STK32A: variants seen among roughly 807,000 people sequenced by gnomAD.
The protein encoded by STK32A is serine/threonine-protein kinase 32A.
In STK32A, 41 loss-of-function variants were observed where a neutral mutation model predicts 53.2. That is an observed-to-expected ratio of 0.77 (90% confidence interval 0.60 to 1.00). The LOEUF is 1.00. Ranked by LOEUF, STK32A falls within the 50% of genes least tolerant of loss-of-function variation. STK32A has a pLI of 0.00. For missense variants in STK32A, 458 were observed against 485.8 expected (o/e 0.94, Z 0.54); for synonymous variants, 166 against 162.8 (o/e 1.02, Z -0.15).
chr5:147,302,969 T>C (rs534543527), intron 4 of STK32A, among the ~76,000 whole-genome samples: 1 of 152,336 alleles, frequency 6.6e-6, no homozygotes, highest in East Asian at 1.9e-4. Context: ...CTAAGTCTTC[T>C]GGGATGGCAA....
In STK32A at chr5:147,370,673, C is replaced by T; in HGVS notation, c.680C>T (p.Ser227Phe). ...LRGRRPYHIR[S>F]STSSKEIVHT... The stretch of plus-strand genomic sequence containing the variant: ...CTTAAGAGACCGTATCATATTCGCT[C>T]CAGTACTTCCAGCAAGGAAATTGTA... The change falls in exon 9 of 13, where the codon TCC becomes TTC. Residue 227 changes from serine (S) to phenylalanine (F), a missense_variant. Coordinates refer to ENST00000397936, the MANE Select transcript of STK32A (RefSeq NM_001112724.2). The T allele has an allele frequency of 6.2e-7, 1 of 1,611,140 alleles. No homozygotes were observed. The highest frequency in any genetic ancestry group is 8.5e-7 in the Non-Finnish European group (1 of 1,177,644).
intron 2 of STK32A, among the ~76,000 whole-genome samples, chr5:147,254,936 C>T (rs907542632): frequency 6.6e-6 from 1 of 152,002 alleles, no homozygotes; most frequent in African/African-American, 2.4e-5. Context: ...TCAGGAGATG[C>T]AGACCATCCT....
chr5:147,257,313 A>T lies in STK32A; in HGVS notation c.52+17627A>T, dbSNP rs561836342. Among the ~76,000 whole-genome samples, 4 of 152,164 alleles carry T rather than the reference A, an allele frequency of 2.6e-5. No individual in the cohort carries two copies. The East Asian group carries it at 5.8e-4, about 22-fold the overall frequency. ...CTTTATTGAAATTTCCCCGGATTAAATGGTCCCAATTCACTAATGCCCAGT... is the reference window on the plus strand; with the variant it reads ...CTTTATTGAAATTTCCCCGGATTAATTGGTCCCAATTCACTAATGCCCAGT... On this transcript the variant is annotated intron_variant, in intron 2 of 12. Transcript: ENST00000397936.
intron 2 of STK32A, among the ~76,000 whole-genome samples, chr5:147,256,588 T>C (rs1754246868): frequency 6.6e-6 from 1 of 152,222 alleles, no homozygotes; most frequent in African/African-American, 2.4e-5. Flanking sequence ...CTTGGCTCAC[T>C]GCAACCTCTG....
intron 5 of STK32A, among the ~76,000 whole-genome samples, chr5:147,330,349 A>G (rs929239503): frequency 1.3e-5 from 2 of 152,242 alleles, no homozygotes; most frequent in Non-Finnish European, 2.9e-5. Flanking sequence ...CAGAGTACAC[A>G]TACTTGAATG....
At chr5:147,376,416 C>T (rs1045146440) in intron 11 of STK32A, among the ~76,000 whole-genome samples, 5 of 152,082 alleles carry the variant, frequency 3.3e-5, no homozygotes, top group Admixed American at 3.3e-4. Flanking sequence ...TGCTCCTTCC[C>T]CTGACCTAGC....
intron 8 of STK32A, among the ~76,000 whole-genome samples, chr5:147,368,574 A>G (rs901126012): frequency 2.0e-5 from 3 of 152,204 alleles, no homozygotes; most frequent in Non-Finnish European, 4.4e-5. Context: ...ATGCCTAAGA[A>G]AGGTGCTGGA....
At chr5:147,264,976 T>G (rs1326910774) in intron 2 of STK32A, among the ~76,000 whole-genome samples, 1 of 151,782 alleles carries the variant, frequency 6.6e-6, no homozygotes, top group Non-Finnish European at 1.5e-5. Context: ...AATGAAAACA[T>G]TAAAAAGACT....
chr5:147,264,322 A>G (rs1192055181), intron 2 of STK32A, among the ~76,000 whole-genome samples: 1 of 152,166 alleles, frequency 6.6e-6, no homozygotes, highest in Non-Finnish European at 1.5e-5. Flanking sequence ...AGGAATAGAG[A>G]TAAATAGTCC....
chr5:147,292,274 C>T (rs559922880), intron 4 of STK32A, among the ~76,000 whole-genome samples: 3 of 152,274 alleles, frequency 2.0e-5, no homozygotes, highest in East Asian at 1.9e-4. Flanking sequence ...TCACCCAAAG[C>T]CTTGGTAAAA....
downstream of STK32A, chr5:147,391,169 G>C (rs1315907639): frequency 6.6e-6 from 1 of 152,584 alleles, no homozygotes; most frequent in Non-Finnish European, 1.5e-5. Flanking sequence ...CTACTGGAAA[G>C]GGCTTCTCAG....
intron 2 of STK32A, among the ~76,000 whole-genome samples, chr5:147,263,040 A>C (rs1160699453): frequency 6.6e-6 from 1 of 152,184 alleles, no homozygotes; most frequent in Non-Finnish European, 1.5e-5. Context: ...TTATCCTCTG[A>C]AGAAGAAGTT....
At chr5:147,273,452 G>A (rs1350557876) in intron 2 of STK32A, among the ~76,000 whole-genome samples, 1 of 152,166 alleles carries the variant, frequency 6.6e-6, no homozygotes, top group Admixed American at 6.5e-5. Flanking sequence ...GAATTTACCT[G>A]AGTGCAACTA....
chr5:147,327,104 C>T (rs1754634331), intron 5 of STK32A, among the ~76,000 whole-genome samples: 2 of 152,206 alleles, frequency 1.3e-5, no homozygotes, highest in East Asian at 3.9e-4. Flanking sequence ...GAAATGGTGT[C>T]AAATAGCTTT....
chr5:147,320,445 TTTGATTCA>T (rs72101623), intron 4 of STK32A, among the ~76,000 whole-genome samples: 98,446 of 151,306 alleles, frequency 0.65, 33,072 homozygotes, highest in Middle Eastern at 0.74. Context: ...CCTTTCTTTC[TTTGATTCA>T]TTGATTATGT....
chr5:147,383,034 G>T, intron 11 of STK32A: 1 of 193,838 alleles, frequency 5.2e-6, no homozygotes, highest in Non-Finnish European at 1.0e-5. Context: ...TGTGCAAACT[G>T]CTCCGGAACA....
chr5:147,329,171 G>A (rs1387534334), intron 5 of STK32A, among the ~76,000 whole-genome samples: 1 of 152,150 alleles, frequency 6.6e-6, no homozygotes, highest in Non-Finnish European at 1.5e-5. Flanking sequence ...GAAAAACACA[G>A]GATGGTATTT....
intron 6 of STK32A, among the ~76,000 whole-genome samples, chr5:147,348,323 G>A (rs1755786118): frequency 6.6e-6 from 1 of 152,206 alleles, no homozygotes; most frequent in Non-Finnish European, 1.5e-5. Flanking sequence ...GAGTTGAGAT[G>A]TTCTGCTAAG....
At chr5:147,394,178 G>C in the STK32A span, 389 of 1,573,588 alleles carry the variant, frequency 2.5e-4, 1 homozygote, top group South Asian at 3.3e-3. Context: ...GGCGGGTAGG[G>C]GGATGTGGGC....
Sources: gnomAD v4.1 joint callset for allele counts (sites outside exome capture counted in the v4.1 genomes callset) on GRCh38, gnomAD v4.1.1 for gene constraint, MANE v1.5 for transcripts, NCBI Gene and HGNC (gene_info 2026-07-23, HGNC 2026-07-21) for gene names.